The following TPST1 variants were observed in gnomAD, a reference collection of about 807,000 sequenced individuals.
The protein encoded by TPST1 is protein-tyrosine sulfotransferase 1.
A neutral mutation model predicts 34.8 loss-of-function variants in TPST1; 20 were observed. The ratio of observed to expected loss-of-function variants is 0.57; its 90% CI spans 0.40 to 0.84. The LOEUF (loss-of-function observed/expected upper bound fraction) is 0.84. Among genes scored for constraint, TPST1 ranks in the 40% least tolerant of loss-of-function variants. The pLI is 0.00. For synonymous variants in TPST1, 152 were observed against 159.4 expected (o/e 0.95, Z 0.35); for missense variants, 353 against 455.5 (o/e 0.78, Z 2.05).
At chr7:66,341,471 G>A (rs1209204170) in intron 3 of TPST1, among the ~76,000 whole-genome samples, 1 of 152,030 alleles carries the variant, frequency 6.6e-6, no homozygotes, top group Non-Finnish European at 1.5e-5. Context: ...GGTAGAGATG[G>A]GTTATCACCA....
intron 3 of TPST1, among the ~76,000 whole-genome samples, chr7:66,319,563 T>C (rs1195912157): frequency 6.6e-6 from 1 of 152,256 alleles, no homozygotes; most frequent in East Asian, 1.9e-4. Context: ...TTTTTTGTTA[T>C]TGAATCAAAG....
At chr7:66,328,011 CTTTTTTTTTTT>C (rs35582736) in intron 3 of TPST1, among the ~76,000 whole-genome samples, 5 of 39,510 alleles carry the variant, frequency 1.3e-4, no homozygotes, top group South Asian at 2.6e-3. Flanking sequence ...TTTTCCTTTC[CTTTTTTTTTTT>C]TTTTTTTTTT....
At chr7:66,229,985 A>G (rs1158928295) in intron 1 of TPST1, among the ~76,000 whole-genome samples, 1 of 152,158 alleles carries the variant, frequency 6.6e-6, no homozygotes, top group East Asian at 1.9e-4. Context: ...TCAAGAGATC[A>G]AGAGCATCCT....
At chr7:66,265,813 A>G (rs977325178) in intron 2 of TPST1, among the ~76,000 whole-genome samples, 8 of 152,188 alleles carry the variant, frequency 5.3e-5, no homozygotes, top group African/African-American at 1.9e-4. Flanking sequence ...CTCACCAGTA[A>G]CTATGGTGCC....
rs188311358 is a variant in TPST1, at chr7:66,286,266, A to G, written c.846-245A>G. 4.6e-5 allele frequency among the ~76,000 whole-genome samples: 7 copies of G among 152,288 alleles called. No individual in the cohort carries two copies. The East Asian group carries it at 1.3e-3, about 29-fold the overall frequency. ...TAATTACAGTGTCAAGACATTTAAT[A>G]ATGCACATGTTTCAGCTAACCCTTT... is the stretch of plus-strand genomic sequence containing the variant. On this transcript the variant is annotated intron_variant, in intron 2 of 5. Coordinates refer to ENST00000304842, the MANE Select transcript of TPST1 (RefSeq NM_003596.4).
intron 3 of TPST1, among the ~76,000 whole-genome samples, chr7:66,349,152 G>A (rs935779764): frequency 6.6e-6 from 1 of 152,214 alleles, no homozygotes; most frequent in African/African-American, 2.4e-5. Context: ...CGGCCTCTGA[G>A]CCTTGCTCTG....
chr7:66,307,412 C>T (rs1053036137), intron 3 of TPST1, among the ~76,000 whole-genome samples: 1 of 152,130 alleles, frequency 6.6e-6, no homozygotes, highest in Non-Finnish European at 1.5e-5. Context: ...GCCACTGCGC[C>T]CGGCCCACTT....
intron 4 of TPST1, among the ~76,000 whole-genome samples, chr7:66,355,497 C>A (rs1025023819): frequency 4.6e-5 from 7 of 150,754 alleles, no homozygotes; most frequent in African/African-American, 1.7e-4. Flanking sequence ...AAAAAACAAA[C>A]AAACAAAAAA....
At chr7:66,200,880 A>C (rs1033120721), upstream of TPST1, among the ~76,000 whole-genome samples, 5 of 151,806 alleles carry the variant, frequency 3.3e-5, no homozygotes, top group Admixed American at 3.3e-4. Flanking sequence ...GTGTGCCCCC[A>C]CCACACCTGG....
chr7:66,319,194 T>C (rs1791699088), intron 3 of TPST1, among the ~76,000 whole-genome samples: 1 of 152,192 alleles, frequency 6.6e-6, no homozygotes, highest in South Asian at 2.1e-4. Flanking sequence ...TGAACTCCAG[T>C]TATTTGAATA....
At chr7:66,318,476 T>C (rs1157157554) in intron 3 of TPST1, among the ~76,000 whole-genome samples, 2 of 152,140 alleles carry the variant, frequency 1.3e-5, no homozygotes, top group East Asian at 1.9e-4. Context: ...TCAGAATTTT[T>C]TTTTTTTTTT....
At chr7:66,284,142 A>G (rs1790985313) in intron 2 of TPST1, among the ~76,000 whole-genome samples, 1 of 152,080 alleles carries the variant, frequency 6.6e-6, no homozygotes, top group Non-Finnish European at 1.5e-5. Flanking sequence ...AAAGTCTTTT[A>G]TTTTAGAGCT....
chr7:66,359,131 C>A (rs1018688382), intron 5 of TPST1: 8 of 150,088 alleles, frequency 5.3e-5, no homozygotes, highest in African/African-American at 9.7e-5. Flanking sequence ...ACTTAAAGAA[C>A]CTTAGGACCC....
chr7:66,199,524 A>C, the TPST1 span, among the ~76,000 whole-genome samples: 1 of 151,510 alleles, frequency 6.6e-6, no homozygotes, highest in Non-Finnish European at 1.5e-5. Context: ...CGAACTTCTG[A>C]CCTCAAGTGA....
intron 1 of TPST1, among the ~76,000 whole-genome samples, chr7:66,216,099 T>A (rs1447663427): frequency 6.6e-6 from 1 of 152,196 alleles, no homozygotes; most frequent in Non-Finnish European, 1.5e-5. Context: ...AATTTTAAAT[T>A]ACTCTTTCAC....
In TPST1 at chr7:66,254,856, C is replaced by T. The variant is rs867907807; in HGVS notation, c.845+13586C>T. 3.9e-5 allele frequency among the ~76,000 whole-genome samples: 6 copies of T among 152,106 alleles called. No individual in the cohort carries two copies. The South Asian group carries it at 1.2e-3, about 31-fold the overall frequency. On this transcript the variant is annotated intron_variant, in intron 2 of 5. Transcript: ENST00000304842. ...AGTAGTAAGCAACCTTATTTTAAAA[C>T]AGTTGTTGTTGCCAGGCGTGGTGGC...
intron 3 of TPST1, among the ~76,000 whole-genome samples, chr7:66,327,153 A>G (rs1584242870): frequency 6.6e-6 from 1 of 152,286 alleles, no homozygotes; most frequent in East Asian, 1.9e-4. Flanking sequence ...ATAATTCTTC[A>G]AAGGGGAATG....
chr7:66,339,646 C>T (rs973991079), intron 3 of TPST1, among the ~76,000 whole-genome samples: 1 of 151,802 alleles, frequency 6.6e-6, no homozygotes, highest in Admixed American at 6.6e-5. Flanking sequence ...TTAAAAAGAT[C>T]ATCCTGGGAT....
At chr7:66,252,665 C>CT (rs1584178125) in intron 2 of TPST1, among the ~76,000 whole-genome samples, 1 of 152,106 alleles carries the variant, frequency 6.6e-6, no homozygotes. Flanking sequence ...TTTTTAATAT[C>CT]TTTTTTGTCA....
Sources: allele counts gnomAD v4.1 joint callset (sites outside exome capture counted in the v4.1 genomes callset), GRCh38; gene constraint gnomAD v4.1.1; transcripts MANE v1.5; gene names NCBI Gene and HGNC (gene_info 2026-07-23, HGNC 2026-07-21).